DNAH14: variants seen among roughly 807,000 people sequenced by gnomAD.
DNAH14 encodes axonemal beta dynein heavy chain 14.
In DNAH14, 478 loss-of-function variants were observed where a neutral mutation model predicts 520.9. That is an observed-to-expected ratio of 0.92 (90% CI 0.85 to 0.99). DNAH14 has a LOEUF of 0.99. Among genes scored for constraint, DNAH14 ranks in the 50% least tolerant of loss-of-function variants. DNAH14 has a pLI of 0.00. For synonymous variants in DNAH14, 1,581 were observed against 1,757.2 expected (o/e 0.90, Z 2.51); for missense variants, 4,831 against 5,234.5 (o/e 0.92, Z 2.38).
At chr1:225,109,450 A>G (rs3101917) in intron 23 of DNAH14, among the ~76,000 whole-genome samples, 39,608 of 151,794 alleles carry the variant, frequency 0.26, 8,012 homozygotes, top group African/African-American at 0.56. Flanking sequence ...TGATTCCTAG[A>G]TACTTAATTT....
intron 43 of DNAH14, among the ~76,000 whole-genome samples, chr1:225,249,985 G>A (rs2092470544): frequency 6.6e-6 from 1 of 152,150 alleles, no homozygotes; most frequent in Non-Finnish European, 1.5e-5. Flanking sequence ...CCAGTTGGTA[G>A]ACATTTAGAT....
At chr1:225,137,727 T>G (rs186654065) in intron 27 of DNAH14, among the ~76,000 whole-genome samples, 2 of 152,238 alleles carry the variant, frequency 1.3e-5, no homozygotes, top group African/African-American at 2.4e-5. Flanking sequence ...CAGTGGAAGA[T>G]GTCACCCAGT....
At chr1:225,191,516 G>A (rs952593325) in intron 37 of DNAH14, among the ~76,000 whole-genome samples, 9 of 151,988 alleles carry the variant, frequency 5.9e-5, no homozygotes, top group African/African-American at 1.7e-4. Context: ...TCAATAGTTT[G>A]ATTATAATGT....
At chr1:225,235,053 T>C (rs1173636679) in intron 42 of DNAH14, among the ~76,000 whole-genome samples, 1 of 152,204 alleles carries the variant, frequency 6.6e-6, no homozygotes, top group African/African-American at 2.4e-5. Flanking sequence ...TCTTGCCTAA[T>C]TGCCCTGGCC....
intron 11 of DNAH14, among the ~76,000 whole-genome samples, chr1:225,030,492 CT>C (rs1270912913): frequency 6.6e-6 from 1 of 151,712 alleles, no homozygotes; most frequent in East Asian, 1.9e-4. Context: ...CCAATATTTT[CT>C]TTTAGAAGTT....
intron 55 of DNAH14, among the ~76,000 whole-genome samples, chr1:225,294,236 T>G (rs986133961): frequency 1.3e-5 from 2 of 152,196 alleles, no homozygotes; most frequent in Non-Finnish European, 2.9e-5. Flanking sequence ...CAGTGTATCA[T>G]GTTTATTGAT....
Position 225,303,507 on chromosome 1 carries a change from C to T in DNAH14, c.8823+160C>T, listed in dbSNP as rs568091442. On this transcript the variant is annotated intron_variant, in intron 57 of 85. Coordinates refer to ENST00000682510, the MANE Select transcript of DNAH14 (RefSeq NM_001367479.1). ...TTTACAATGACTCCCTATTAATTCCCCATCTGTTGTACCCCTGAATTCACC... is the reference window on the plus strand; with the variant it reads ...TTTACAATGACTCCCTATTAATTCCTCATCTGTTGTACCCCTGAATTCACC... Among the ~76,000 whole-genome samples, 7 of 152,232 alleles carry T rather than the reference C, an allele frequency of 4.6e-5. No homozygotes were observed. The South Asian group carries it at 1.2e-3, about 27-fold the overall frequency.
intron 17 of DNAH14, among the ~76,000 whole-genome samples, chr1:225,058,718 C>G (rs2069534562): frequency 6.6e-6 from 1 of 152,064 alleles, no homozygotes; most frequent in Non-Finnish European, 1.5e-5. Context: ...CGCAGAGATT[C>G]TGGTATGTTA....
At chr1:225,114,890 A>C (rs2076754324) in intron 23 of DNAH14, among the ~76,000 whole-genome samples, 1 of 151,820 alleles carries the variant, frequency 6.6e-6, no homozygotes, top group Non-Finnish European at 1.5e-5. Context: ...TGTTTTTCCT[A>C]CTCTCTTAAG....
chr1:225,151,271 G>A (rs193237742), intron 31 of DNAH14, among the ~76,000 whole-genome samples: 5 of 152,050 alleles, frequency 3.3e-5, no homozygotes, highest in Admixed American at 2.0e-4. Context: ...TTCCTCTCAT[G>A]GATTTTGTTC....
chr1:225,055,549 A>C (rs993609097), intron 17 of DNAH14, among the ~76,000 whole-genome samples: 65 of 151,894 alleles, frequency 4.3e-4, no homozygotes, highest in African/African-American at 1.5e-3. Context: ...ATTTATTTTT[A>C]TTATACTTTA....
At chr1:225,002,014 C>CA (rs1370547791) in intron 8 of DNAH14, among the ~76,000 whole-genome samples, 4 of 152,174 alleles carry the variant, frequency 2.6e-5, no homozygotes, top group African/African-American at 7.2e-5. Context: ...ATAAAGCCCT[C>CA]AACTGTAAAA....
In DNAH14 at chr1:225,178,488, C is replaced by T. The variant is rs114216594; in HGVS notation, c.5536-6803C>T. Among the ~76,000 whole-genome samples the T allele has an allele frequency of 4.9e-3, 753 of 152,236 alleles. 4 individuals carry two copies. Among genetic ancestry groups the T allele is most frequent in the African/African-American group, 0.017 (704 of 41,542 alleles). ...TCAATTGCCTCCTCTGGGTCCCTCC[C>T]GTAACACATGGGACTTCTGGGAGAT... is the stretch of plus-strand genomic sequence containing the variant. On this transcript the variant is annotated intron_variant, in intron 36 of 85. Transcript: ENST00000682510.
At chr1:225,355,296 C>T (rs1377599584) in intron 73 of DNAH14, among the ~76,000 whole-genome samples, 2 of 152,006 alleles carry the variant, frequency 1.3e-5, no homozygotes, top group African/African-American at 2.4e-5. Context: ...AATTAGGTCT[C>T]ACTCGTCTCA....
chr1:225,169,190 C>T (rs190398568), intron 36 of DNAH14, among the ~76,000 whole-genome samples: 28 of 152,104 alleles, frequency 1.8e-4, no homozygotes, highest in Admixed American at 2.6e-4. Context: ...ACCACAAAGA[C>T]GGGGAAAAAA....
At chr1:225,324,154 A>T in intron 62 of DNAH14, 68 bp from the exon 63 acceptor site, 1 of 1,520,806 alleles carries the variant, frequency 6.6e-7, no homozygotes, top group African/African-American at 1.4e-5. Context: ...AATCTAGTGT[A>T]GACTGGGGAA....
intron 41 of DNAH14, among the ~76,000 whole-genome samples, chr1:225,222,719 C>T (rs941676217): frequency 3.3e-5 from 5 of 152,164 alleles, no homozygotes; most frequent in African/African-American, 1.2e-4. Context: ...CAAGCCCCCA[C>T]CCGACCCAGA....
rs536784549 is a variant in DNAH14, at chr1:225,357,794, T to C, written c.11620-702T>C. On this transcript the variant is annotated intron_variant, in intron 73 of 85. Coordinates refer to ENST00000682510, the MANE Select transcript of DNAH14 (RefSeq NM_001367479.1). ...CACACTGACGTGTGTAGCTTCAGTT[T>C]TGCTTTAAATGATGGAGTCCCAGAT... 3.3e-5 allele frequency: 23 copies of C among 702,210 alleles called. No homozygotes were observed. The African/African-American group carries it at 3.8e-4, about 12-fold the overall frequency. 43.5% of individuals were successfully genotyped at this position (702,210 alleles called of 1,614,324 possible). A position where few individuals can be genotyped will look rare whatever the true frequency, so the allele number is the denominator to read the frequency against.
At chr1:225,078,823 T>TCC (rs1558883404) in intron 17 of DNAH14, among the ~76,000 whole-genome samples, 6 of 64,788 alleles carry the variant, frequency 9.3e-5, no homozygotes, top group Non-Finnish European at 2.1e-4. Context: ...TCTCTCTCTC[T>TCC]CCCTCTCTCT....
Sources: allele counts gnomAD v4.1 joint callset (sites outside exome capture counted in the v4.1 genomes callset), GRCh38; gene constraint gnomAD v4.1.1; transcripts MANE v1.5; gene names NCBI Gene and HGNC (gene_info 2026-07-23, HGNC 2026-07-21).